The following TDRD9 variants were observed in gnomAD, a reference collection of about 807,000 sequenced individuals.
The protein encoded by TDRD9 is tudor domain containing 9.
In TDRD9, 124 loss-of-function variants were observed where a neutral mutation model predicts 172.6. The observed-to-expected ratio is 0.72, with a 90% CI of 0.62 to 0.83. TDRD9 has a LOEUF of 0.83. TDRD9 is among the 40% of genes least tolerant of loss of function. The pLI is 0.00. For missense variants in TDRD9, 1,479 were observed against 1,714.1 expected, an observed-to-expected ratio of 0.86 and a Z score of 2.42; for synonymous variants, 619 against 617.1, an observed-to-expected ratio of 1.00 and a Z score of -0.05.
intron 2 of TDRD9, among the ~76,000 whole-genome samples, chr14:103,961,142 AG>A (rs2032489640): frequency 6.6e-6 from 1 of 152,200 alleles, no homozygotes; most frequent in African/African-American, 2.4e-5. Flanking sequence ...AAGAAGGCCT[AG>A]GTATATTAAC....
In TDRD9 at chr14:103,991,059, A is replaced by T; in HGVS notation, c.1116-101A>T. On this transcript the variant is annotated intron_variant, in intron 8 of 35. Coordinates refer to ENST00000409874, the MANE Select transcript of TDRD9 (RefSeq NM_153046.3). ...AGGAACATTACATTGGATGACCTGT[A>T]AGAGCCTTTCAGGATTAAAAGCCTG... 3 of 1,389,262 alleles carry T rather than the reference A, an allele frequency of 2.2e-6. No individual in the cohort carries two copies. In the Admixed American group the frequency reaches 6.0e-5, roughly 28 times the overall value. The allele number at this position is 1,389,262 out of a possible 1,614,324, so 86.1% of individuals were successfully genotyped here.
chr14:103,970,892 T>A (rs573552943), intron 6 of TDRD9, among the ~76,000 whole-genome samples: 34 of 152,390 alleles, frequency 2.2e-4, no homozygotes, highest in Non-Finnish European at 3.5e-4. Flanking sequence ...TGCTATACTC[T>A]ATTTTTTAAA....
intron 13 of TDRD9, 55 bp downstream of exon 13, chr14:103,998,783 T>A (rs1266526019): frequency 1.1e-6 from 1 of 900,786 alleles, no homozygotes; most frequent in East Asian, 2.4e-5. Flanking sequence ...CAGTGGCACA[T>A]TCAGGTGCTT....
At chr14:103,941,887 C>T (rs570066768) in intron 1 of TDRD9, among the ~76,000 whole-genome samples, 1 of 152,130 alleles carries the variant, frequency 6.6e-6, no homozygotes, top group African/African-American at 2.4e-5. Context: ...GTGGCAGAAA[C>T]CAAGCTTTGA....
intron 34 of TDRD9, among the ~76,000 whole-genome samples, chr14:104,043,930 A>G (rs11626034): frequency 0.27 from 40,461 of 151,998 alleles, 5,779 homozygotes; most frequent in Non-Finnish European, 0.33. Flanking sequence ...CCTTCCCATA[A>G]GATTAAGGGT....
intron 1 of TDRD9, among the ~76,000 whole-genome samples, chr14:103,929,808 C>T (rs902014055): frequency 6.6e-6 from 1 of 152,246 alleles, no homozygotes; most frequent in Non-Finnish European, 1.5e-5. Context: ...GCGTGAGCCA[C>T]TGCGCCCGGC....
chr14:104,020,079 G>A (rs1178182649), intron 23 of TDRD9, among the ~76,000 whole-genome samples: 3 of 152,168 alleles, frequency 2.0e-5, no homozygotes, highest in African/African-American at 7.2e-5. Flanking sequence ...GGGCAGAGCT[G>A]CTCCGTGTCA....
At chr14:104,008,336 AATATGTATTAAAGTAGCT>A in intron 19 of TDRD9, 59 bp from the exon 20 acceptor site, 1 of 866,040 alleles carries the variant, frequency 1.2e-6, no homozygotes, top group Non-Finnish European at 1.9e-6. Context: ...TTTTGGATGA[AATATGTATTAAAGTAGCT>A]AAATTCAGCT....
chr14:103,942,630 T>G (rs1706903471), intron 1 of TDRD9, among the ~76,000 whole-genome samples: 1 of 152,238 alleles, frequency 6.6e-6, no homozygotes, highest in South Asian at 2.1e-4. Context: ...TTGCTTTTAT[T>G]CTTCAGCTTA....
chr14:103,966,467 A>G (rs1566745307), intron 4 of TDRD9, among the ~76,000 whole-genome samples: 1 of 152,188 alleles, frequency 6.6e-6, no homozygotes, highest in Non-Finnish European at 1.5e-5. Flanking sequence ...AGATGTCTTG[A>G]TACACAATTG....
intron 5 of TDRD9, 24 bp from the exon 6 acceptor site, chr14:103,970,517 G>A (rs1566748628): frequency 1.3e-6 from 2 of 1,539,488 alleles, no homozygotes; most frequent in Admixed American, 2.0e-5. Context: ...CCATGTGGGG[G>A]GTGCCCCCTT....
At chr14:103,979,530 A>G (rs2033387897) in intron 7 of TDRD9, among the ~76,000 whole-genome samples, 1 of 152,126 alleles carries the variant, frequency 6.6e-6, no homozygotes, top group Admixed American at 6.5e-5. Flanking sequence ...CTCAGGGGGA[A>G]CTCTGGTAGG....
chr14:103,991,088 T>C lies in TDRD9; in HGVS notation c.1116-72T>C. ...GCCTTTCAGGATTAAAAGCCTGTAA[T>C]ATTAGGATTTTAGAGAAGCAATAGC... On this transcript the variant is annotated intron_variant, in intron 8 of 35. Transcript: ENST00000409874. 6.4e-6 allele frequency: 10 copies of C among 1,567,462 alleles called. No homozygotes were observed. The South Asian group carries it at 1.1e-4, about 18-fold the overall frequency.
At chr14:103,979,405 G>T (rs527354570) in intron 7 of TDRD9, among the ~76,000 whole-genome samples, 19 of 152,320 alleles carry the variant, frequency 1.2e-4, no homozygotes, top group African/African-American at 3.8e-4. Flanking sequence ...TCACAGTTCT[G>T]CAGGCTATAC....
chr14:103,990,316 A>G (rs1297703327), intron 8 of TDRD9, among the ~76,000 whole-genome samples: 1 of 152,220 alleles, frequency 6.6e-6, no homozygotes, highest in Non-Finnish European at 1.5e-5. Flanking sequence ...GTGACCATGG[A>G]TGCTGAGCTG....
At chr14:104,038,560 G>T (rs1279042526) in intron 32 of TDRD9, among the ~76,000 whole-genome samples, 1 of 152,224 alleles carries the variant, frequency 6.6e-6, no homozygotes, top group Non-Finnish European at 1.5e-5. Flanking sequence ...AGAGACCTCA[G>T]TTGCTCTCAG....
intron 13 of TDRD9, among the ~76,000 whole-genome samples, chr14:104,002,094 C>A (rs2034278075): frequency 6.6e-6 from 1 of 151,382 alleles, no homozygotes; most frequent in Non-Finnish European, 1.5e-5. Context: ...GTGAGGTGGG[C>A]AGACTGCTTG....
chr14:103,944,712 T>G (rs1486001765), intron 1 of TDRD9, among the ~76,000 whole-genome samples: 1 of 152,006 alleles, frequency 6.6e-6, no homozygotes, highest in Non-Finnish European at 1.5e-5. Context: ...ATTACAGGCG[T>G]GCACCACCAC....
chr14:103,982,782 T>G (rs943345290), intron 7 of TDRD9, among the ~76,000 whole-genome samples: 15 of 152,156 alleles, frequency 9.9e-5, no homozygotes, highest in African/African-American at 3.6e-4. Flanking sequence ...ACGCCTGTAA[T>G]CCCAGCTACT....
Sources: allele counts gnomAD v4.1 joint callset (sites outside exome capture counted in the v4.1 genomes callset), GRCh38; gene constraint gnomAD v4.1.1; transcripts MANE v1.5; gene names NCBI Gene and HGNC (gene_info 2026-07-23, HGNC 2026-07-21).